IPO11: variants seen among roughly 807,000 people sequenced by gnomAD.
The protein encoded by IPO11 is importin-11.
Under a neutral mutation model 143.2 loss-of-function variants are expected in IPO11, and 66 were observed. That is an observed-to-expected ratio of 0.46 (90% CI 0.38 to 0.57). The LOEUF (loss-of-function observed/expected upper bound fraction) is 0.57. Ranked by LOEUF, IPO11 falls within the 20% of genes least tolerant of loss-of-function variation. IPO11 has a pLI of 0.00. For synonymous variants in IPO11, 385 were observed against 377.8 expected, an observed-to-expected ratio of 1.02 and a Z score of -0.22; for missense variants, 1,026 against 1,141.0, an observed-to-expected ratio of 0.90 and a Z score of 1.45.
At chr5:62,498,398 T>A (rs1741230865) in intron 16 of IPO11, among the ~76,000 whole-genome samples, 1 of 152,210 alleles carries the variant, frequency 6.6e-6, no homozygotes, top group African/African-American at 2.4e-5. Flanking sequence ...AGAGTGCTTA[T>A]GACAACTTCT....
intron 22 of IPO11, among the ~76,000 whole-genome samples, chr5:62,536,309 G>GT (rs963470167): frequency 1.3e-5 from 2 of 150,736 alleles, no homozygotes; most frequent in Admixed American, 6.6e-5. Flanking sequence ...TAGTTAGGTG[G>GT]TTTTTTTTTC....
intron 4 of IPO11, 41 bp downstream of exon 4, chr5:62,450,040 C>A: frequency 7.7e-7 from 1 of 1,306,304 alleles, no homozygotes; most frequent in Non-Finnish European, 1.1e-6. Flanking sequence ...TTTATTTGTA[C>A]TGCTTTTCCA....
intron 7 of IPO11, among the ~76,000 whole-genome samples, chr5:62,474,042 A>T (rs1339319734): frequency 6.6e-6 from 1 of 152,212 alleles, no homozygotes; most frequent in East Asian, 1.9e-4. Flanking sequence ...TTATATTCTA[A>T]TGGGAGGAGC....
At chr5:62,510,921 C>A (rs980620129) in intron 19 of IPO11, among the ~76,000 whole-genome samples, 3 of 151,966 alleles carry the variant, frequency 2.0e-5, no homozygotes, top group African/African-American at 7.3e-5. Context: ...TTAGTAGAGA[C>A]GGGGTTTCAC....
chr5:62,450,910 T>A (rs1304851776), intron 4 of IPO11, among the ~76,000 whole-genome samples: 1 of 152,220 alleles, frequency 6.6e-6, no homozygotes, highest in Non-Finnish European at 1.5e-5. Context: ...AAGCACAATT[T>A]GGCAGTATTT....
At chr5:62,470,044 A>G (rs1351818267) in intron 6 of IPO11, among the ~76,000 whole-genome samples, 1 of 152,224 alleles carries the variant, frequency 6.6e-6, no homozygotes, top group Non-Finnish European at 1.5e-5. Context: ...ACAATAAGTC[A>G]GAAGAACACT....
intron 8 of IPO11, among the ~76,000 whole-genome samples, chr5:62,476,386 A>C (rs1424393633): frequency 6.6e-6 from 1 of 152,192 alleles, no homozygotes; most frequent in Non-Finnish European, 1.5e-5. Flanking sequence ...TGCTTGAAAA[A>C]TACTTCAACT....
intron 20 of IPO11, among the ~76,000 whole-genome samples, chr5:62,525,534 C>G (rs2112304446): frequency 6.6e-6 from 1 of 152,258 alleles, no homozygotes; most frequent in Admixed American, 6.5e-5. Context: ...TAAGCAGGCA[C>G]CACCATGCTT....
chr5:62,428,590 C>T (rs980148309), intron 1 of IPO11, among the ~76,000 whole-genome samples: 5 of 152,086 alleles, frequency 3.3e-5, no homozygotes, highest in African/African-American at 1.2e-4. Flanking sequence ...GATCCACCCA[C>T]CTCAGCCTCC....
chr5:62,564,650 C>T (rs1039562141), intron 27 of IPO11, among the ~76,000 whole-genome samples: 3 of 152,016 alleles, frequency 2.0e-5, no homozygotes, highest in African/African-American at 4.8e-5. Context: ...CACTACCTAC[C>T]GGATGTCAGT....
chr5:62,470,257 T>A lies in IPO11; in HGVS notation c.657T>A (p.Arg219=). Residue 219 remains arginine (R), a synonymous_variant, in exon 7 of 30, where the codon CGT becomes CGA. Coordinates refer to ENST00000325324, the MANE Select transcript of IPO11 (RefSeq NM_016338.5). ...CTTGCTTTTGCTTTTCAGTGCTGCGTAAGTTAACTGTTAATGGATTTGTGG... is the reference window on the plus strand; with the variant it reads ...CTTGCTTTTGCTTTTCAGTGCTGCGAAAGTTAACTGTTAATGGATTTGTGG... The part of the protein sequence containing the change: ...ERTLLSLKVL[R]KLTVNGFVEP... The A allele has an allele frequency of 6.2e-7, 1 of 1,613,746 alleles. No homozygotes were observed. The highest frequency in any genetic ancestry group is 8.5e-7 in the Non-Finnish European group (1 of 1,179,732).
chr5:62,571,740 C>T (rs1413025906), intron 27 of IPO11, among the ~76,000 whole-genome samples: 1 of 149,254 alleles, frequency 6.7e-6, no homozygotes, highest in Non-Finnish European at 1.5e-5. Flanking sequence ...GGCTGGAGTA[C>T]AGTGGCACAA....
intron 1 of IPO11, among the ~76,000 whole-genome samples, chr5:62,416,119 C>T (rs894118117): frequency 6.6e-6 from 1 of 151,502 alleles, no homozygotes; most frequent in African/African-American, 2.4e-5. Flanking sequence ...TGCCTTTTCT[C>T]GTGGTCATCC....
chr5:62,437,698 T>C (rs918560491), intron 2 of IPO11, among the ~76,000 whole-genome samples: 5 of 152,220 alleles, frequency 3.3e-5, no homozygotes, highest in African/African-American at 1.2e-4. Context: ...CTATCAGGAC[T>C]CTAGGTAGCA....
intron 27 of IPO11, among the ~76,000 whole-genome samples, chr5:62,569,209 C>G (rs1580334996): frequency 6.6e-6 from 1 of 152,252 alleles, no homozygotes; most frequent in Middle Eastern, 3.4e-3. Context: ...CTCTCTCTCC[C>G]CCAAGCACAC....
chr5:62,448,903 A>C (rs965436182), intron 3 of IPO11, among the ~76,000 whole-genome samples: 6 of 152,050 alleles, frequency 3.9e-5, no homozygotes, highest in African/African-American at 1.2e-4. Context: ...GTAATACGTT[A>C]ATTCTGTGTA....
At chr5:62,513,836 G>T (rs892516152) in intron 19 of IPO11, among the ~76,000 whole-genome samples, 1 of 149,238 alleles carries the variant, frequency 6.7e-6, no homozygotes, top group Non-Finnish European at 1.5e-5. Context: ...CTTCTCAGAC[G>T]GGGCGGTTGC....
intron 20 of IPO11, 120 bp downstream of exon 20, chr5:62,515,621 TTA>T (rs1741986634): frequency 2.5e-5 from 15 of 606,580 alleles, no homozygotes; most frequent in African/African-American, 2.1e-4. Context: ...CACATATCTT[TTA>T]TTTTTTTTTC....
rs1745304271 is a variant in IPO11, at chr5:62,598,375, GTTT to G, written c.2679-3388_2679-3386del. ...TCTTATGTGAAACGACCCATAAATTGTTTGCTTGCTTGCTTGCTTTCTTTCTTT... is the reference window on the plus strand; with the variant it reads ...TCTTATGTGAAACGACCCATAAATTGGCTTGCTTGCTTGCTTTCTTTCTTT... On this transcript the variant is annotated intron_variant, in intron 28 of 29. Coordinates refer to ENST00000325324, the MANE Select transcript of IPO11 (RefSeq NM_016338.5). Among the ~76,000 whole-genome samples, 2 of 15,192 alleles carry G rather than the reference GTTT, an allele frequency of 1.3e-4. 1 individual carries two copies. The highest frequency in any genetic ancestry group is 2.1e-3 in the East Asian group (2 of 938). The allele number at this position is 15,192 out of a possible 152,430, so 10.0% of individuals were successfully genotyped here.
Sources: gnomAD v4.1 joint callset for allele counts (sites outside exome capture counted in the v4.1 genomes callset) on GRCh38, gnomAD v4.1.1 for gene constraint, MANE v1.5 for transcripts, NCBI Gene and HGNC (gene_info 2026-07-23, HGNC 2026-07-21) for gene names.